Variants in ADGRE2 observed in about 807,000 individuals in gnomAD.
ADGRE2 encodes CD97 antigen.
In ADGRE2, 83 loss-of-function variants were observed where a neutral mutation model predicts 100.8. The ratio of observed to expected loss-of-function variants is 0.82; its 90% CI spans 0.69 to 0.99. ADGRE2 has a LOEUF of 0.99. ADGRE2 is among the 50% of genes least tolerant of loss of function. ADGRE2 has a pLI of 0.00. For synonymous variants in ADGRE2, 355 were observed against 413.0 expected (o/e 0.86, Z 1.70); for missense variants, 814 against 1,035.7 (o/e 0.79, Z 2.94).
intron 5 of ADGRE2, among the ~76,000 whole-genome samples, chr19:14,770,676 T>TTTCTTTTC (rs1568623214): frequency 8.5e-6 from 1 of 117,430 alleles, no homozygotes; most frequent in Non-Finnish European, 1.8e-5. Flanking sequence ...TTTCTTTTTT[T>TTTCTTTTC]TTTTTTTTTT....
At chr19:14,746,827 A>G (rs2043107186) in intron 17 of ADGRE2, 69 bp downstream of exon 17, 6 of 1,480,680 alleles carry the variant, frequency 4.1e-6, no homozygotes. Flanking sequence ...TCTTGTCACC[A>G]TCTTTATTAT....
At chr19:14,755,313 C>T (rs1354520073) in intron 13 of ADGRE2, among the ~76,000 whole-genome samples, 186 bp from the exon 14 acceptor site, 25 of 151,078 alleles carry the variant, frequency 1.7e-4, no homozygotes, top group Non-Finnish European at 1.0e-4. Context: ...ATTAGCTGGG[C>T]GTGGTAGCAC....
At chr19:14,736,668 A>G (rs1599773503) in intron 20 of ADGRE2, among the ~76,000 whole-genome samples, 1 of 144,476 alleles carries the variant, frequency 6.9e-6, no homozygotes, top group East Asian at 2.1e-4. Context: ...ATTTCTAAAT[A>G]TATATATTTA....
Position 14,774,033 on chromosome 19 carries a change from T to C in ADGRE2, c.104A>G (p.Gln35Arg), listed in dbSNP as rs1362162744. ...DSRGCARWCPQDSSCVNATAC... is the reference protein window; with the variant it reads ...DSRGCARWCPRDSSCVNATAC... ...GGTGGCATTGACACACGAGGAGTCCTGAGGGCACCACCGGGCACAGCCTGC... is the reference window on the plus strand; with the variant it reads ...GGTGGCATTGACACACGAGGAGTCCCGAGGGCACCACCGGGCACAGCCTGC... Residue 35 changes from glutamine (Q) to arginine (R), a missense_variant, in exon 4 of 21, where the codon CAG becomes CGG. By Grantham distance (43) the Gln-to-Arg change is conservative. Transcript: ENST00000315576. 1.9e-6 allele frequency: 3 copies of C among 1,613,706 alleles called. No homozygotes were observed. In the African/African-American group the frequency reaches 4.0e-5, roughly 22 times the overall value.
At chr19:14,744,712 C>A (rs2043034012) in intron 18 of ADGRE2, among the ~76,000 whole-genome samples, 1 of 152,106 alleles carries the variant, frequency 6.6e-6, no homozygotes, top group Admixed American at 6.5e-5. Context: ...ACCTCGGCCT[C>A]CCAAAGTGTT....
chr19:14,765,544 G>A lies in ADGRE2; in HGVS notation c.808C>T (p.Pro270Ser), dbSNP rs766610812. ...CTCACCTGGCTGTGGACTCCAGGGG[G>A]CGGGGTCCAGGTGGAGAAAGTCATA... Reference protein sequence around the residue: ...EDMTFSTWTPPPGVHSQTLSR... With the variant: ...EDMTFSTWTPSPGVHSQTLSR... The change falls in exon 9 of 21, where the codon CCC becomes TCC. Residue 270 changes from proline to serine, a missense_variant. Physicochemically the swap from Pro to Ser is moderately conservative, Grantham distance 74. Transcript: ENST00000315576. 1.2e-6 allele frequency: 2 copies of A among 1,614,122 alleles called. No homozygotes were observed. The highest frequency in any genetic ancestry group is 2.7e-5 in the African/African-American group (2 of 74,956).
downstream of ADGRE2, among the ~76,000 whole-genome samples, chr19:14,728,132 G>A (rs2042645300): frequency 6.6e-6 from 1 of 152,196 alleles, no homozygotes; most frequent in South Asian, 2.1e-4. Context: ...AGAATGGCGT[G>A]AGCCTGGGAA....
intron 12 of ADGRE2, 56 bp downstream of exon 12, chr19:14,756,182 G>A: frequency 8.0e-7 from 1 of 1,257,106 alleles, no homozygotes; most frequent in South Asian, 1.2e-5. Context: ...TCACATTCTT[G>A]GGCATCTTTT....
At chr19:14,728,079 G>A (rs1242818956), downstream of ADGRE2, among the ~76,000 whole-genome samples, 3 of 152,188 alleles carry the variant, frequency 2.0e-5, no homozygotes, top group Non-Finnish European at 4.4e-5. Flanking sequence ...CGGGTGTGGT[G>A]GTGGGCGCCT....
chr19:14,746,127 C>A, intron 18 of ADGRE2, 105 bp downstream of exon 18: 1 of 681,986 alleles, frequency 1.5e-6, no homozygotes, highest in Admixed American at 2.5e-5. Flanking sequence ...TTCTGGGTCC[C>A]TTCAAAAGAC....
chr19:14,770,687 T>C (rs1353674165), intron 5 of ADGRE2, among the ~76,000 whole-genome samples: 1 of 134,012 alleles, frequency 7.5e-6, no homozygotes, highest in Non-Finnish European at 1.6e-5. Context: ...TTTTTTTTTT[T>C]TTTTTTTTTT....
chr19:14,777,498 A>G (rs1282131442), intron 1 of ADGRE2, among the ~76,000 whole-genome samples: 1 of 145,094 alleles, frequency 6.9e-6, no homozygotes, highest in Non-Finnish European at 1.5e-5. Flanking sequence ...TTAATTAATT[A>G]ATTAAATTTT....
chr19:14,768,708 A>T (rs2044082984), intron 5 of ADGRE2: 1 of 152,374 alleles, frequency 6.6e-6, no homozygotes, highest in African/African-American at 2.4e-5. Flanking sequence ...TAGCCACAAC[A>T]TCCTCCAGTG....
downstream of ADGRE2, chr19:14,731,371 G>A (rs562321126): frequency 3.3e-6 from 2 of 614,034 alleles, no homozygotes; most frequent in Non-Finnish European, 5.7e-6. Flanking sequence ...CTTAACTTCC[G>A]GCTTCCGGGA....
chr19:14,763,258 C>G (rs1256076673), intron 11 of ADGRE2, among the ~76,000 whole-genome samples: 1 of 151,970 alleles, frequency 6.6e-6, no homozygotes, highest in Non-Finnish European at 1.5e-5. Context: ...CAGGAGAATG[C>G]TGTCAACCCA....
At chr19:14,743,568 G>C (rs775078396) in intron 19 of ADGRE2, 38 bp from the exon 20 acceptor site, 4 of 1,612,688 alleles carry the variant, frequency 2.5e-6, no homozygotes, top group Non-Finnish European at 3.4e-6. Flanking sequence ...AGCTCACAGA[G>C]AGCAGTGAGG....
At chr19:14,748,618 T>C (rs1169699462) in intron 16 of ADGRE2, among the ~76,000 whole-genome samples, 1 of 152,352 alleles carries the variant, frequency 6.6e-6, no homozygotes, top group East Asian at 1.9e-4. Flanking sequence ...ATCTCCTTAT[T>C]CTTTATGGCT....
At chr19:14,754,829 G>A in intron 14 of ADGRE2, 125 bp downstream of exon 14, 2 of 1,054,674 alleles carry the variant, frequency 1.9e-6, no homozygotes, top group Non-Finnish European at 2.7e-6. Context: ...AAGCCATCTT[G>A]CTATGCCAGC....
chr19:14,770,115 T>A (rs1599875453), intron 5 of ADGRE2, among the ~76,000 whole-genome samples: 1 of 152,050 alleles, frequency 6.6e-6, no homozygotes, highest in African/African-American at 2.4e-5. Context: ...TGAAATGTGA[T>A]CCCCAGTGTT....
Sources: allele counts gnomAD v4.1 joint callset (sites outside exome capture counted in the v4.1 genomes callset), GRCh38; gene constraint gnomAD v4.1.1; transcripts MANE v1.5; gene names NCBI Gene and HGNC (gene_info 2026-07-23, HGNC 2026-07-21).